The following L3MBTL4 variants were observed in gnomAD, a reference collection of about 807,000 sequenced individuals.
The protein encoded by L3MBTL4 is L3MBTL histone methyl-lysine binding protein 4.
Under a neutral mutation model 84.5 loss-of-function variants are expected in L3MBTL4, and 70 were observed. That is an observed-to-expected ratio of 0.83 (90% CI 0.68 to 1.01). The LOEUF is 1.01. Among genes scored for constraint, L3MBTL4 ranks in the 50% least tolerant of loss-of-function variants. The probability of loss-of-function intolerance (pLI) is 0.00; values close to 1 mark genes in which losing one functional copy is unlikely to be tolerated. For synonymous variants in L3MBTL4, 274 were observed against 259.8 expected (o/e 1.05, Z -0.52); for missense variants, 715 against 754.8 (o/e 0.95, Z 0.62).
At chr18:6,378,304 C>A (rs865837225) in intron 1 of L3MBTL4, among the ~76,000 whole-genome samples, 1 of 152,204 alleles carries the variant, frequency 6.6e-6, no homozygotes, top group Non-Finnish European at 1.5e-5. Context: ...TTTTGCTGTG[C>A]AGAAGCTCTC....
At chr18:6,379,923 T>A (rs1019059794) in intron 1 of L3MBTL4, among the ~76,000 whole-genome samples, 3 of 152,212 alleles carry the variant, frequency 2.0e-5, no homozygotes, top group Non-Finnish European at 4.4e-5. Context: ...TCTGGTAGAA[T>A]TCAGCTGTGA....
In L3MBTL4 at chr18:6,282,052, T is replaced by C. The variant is rs544301978; in HGVS notation, c.128-18014A>G. 4.5e-4 allele frequency among the ~76,000 whole-genome samples: 68 copies of C among 152,302 alleles called. No homozygotes were observed. The South Asian group carries it at 6.4e-3, about 14-fold the overall frequency. On this transcript the variant is annotated intron_variant, in intron 4 of 18. Coordinates refer to ENST00000317931, the MANE Select transcript of L3MBTL4 (RefSeq NM_001330559.2). ...AGCTTCAAAGTCCTTTTATTAACTA[T>C]GGGATAGCGTCCAACCAGCTGAGCA...
intron 1 of L3MBTL4, among the ~76,000 whole-genome samples, chr18:6,346,103 A>AATATATATAT (rs34294575): frequency 3.2e-3 from 421 of 129,752 alleles, no homozygotes; most frequent in Middle Eastern, 3.9e-3. Context: ...ATGATGTTGG[A>AATATATATAT]ATATATATAT....
At chr18:5,979,988 C>G (rs1190102557) in intron 16 of L3MBTL4, among the ~76,000 whole-genome samples, 1 of 152,220 alleles carries the variant, frequency 6.6e-6, no homozygotes, top group Non-Finnish European at 1.5e-5. Context: ...CCAGGGGCCA[C>G]ACTCACCTCT....
At chr18:6,310,552 T>G (rs1324846182) in intron 3 of L3MBTL4, among the ~76,000 whole-genome samples, 1 of 152,196 alleles carries the variant, frequency 6.6e-6, no homozygotes, top group Non-Finnish European at 1.5e-5. Context: ...AAAGAAAATG[T>G]ATTACATGAT....
chr18:6,030,057 T>C, intron 16 of L3MBTL4: 1 of 985,424 alleles, frequency 1.0e-6, no homozygotes, highest in Non-Finnish European at 1.2e-6. Flanking sequence ...TGTTAAGAAC[T>C]GCTCGTCAGA....
intron 10 of L3MBTL4, among the ~76,000 whole-genome samples, chr18:6,216,761 T>G (rs1274465636): frequency 3.3e-5 from 5 of 152,192 alleles, no homozygotes; most frequent in Non-Finnish European, 7.3e-5. Context: ...TAATCTGTGT[T>G]GTCTTGATTT....
intron 16 of L3MBTL4, among the ~76,000 whole-genome samples, chr18:5,976,756 C>T (rs564256101): frequency 1.3e-5 from 2 of 152,232 alleles, no homozygotes; most frequent in East Asian, 3.9e-4. Context: ...AATGAACGCA[C>T]GCAGGCCAGA....
intron 12 of L3MBTL4, among the ~76,000 whole-genome samples, chr18:6,174,588 G>A (rs3886383): frequency 0.017 from 2,653 of 152,228 alleles, 76 homozygotes; most frequent in African/African-American, 0.061. Context: ...AACAGATGAT[G>A]TTCCGGTGTG....
intron 18 of L3MBTL4, among the ~76,000 whole-genome samples, chr18:5,957,316 C>G (rs1442534208): frequency 6.6e-6 from 1 of 152,002 alleles, no homozygotes; most frequent in African/African-American, 2.4e-5. Flanking sequence ...AATCATCACG[C>G]ATTGTATATG....
At chr18:6,005,976 T>C (rs1174098865) in intron 16 of L3MBTL4, among the ~76,000 whole-genome samples, 1 of 151,340 alleles carries the variant, frequency 6.6e-6, no homozygotes, top group Non-Finnish European at 1.5e-5. Flanking sequence ...GCATTTGAAA[T>C]GGTAAATTTT....
At chr18:6,319,512 C>T (rs1201340603) in intron 1 of L3MBTL4, among the ~76,000 whole-genome samples, 1 of 151,992 alleles carries the variant, frequency 6.6e-6, no homozygotes, top group African/African-American at 2.4e-5. Context: ...CCTCTATGTA[C>T]ACAAACTAGA....
At chr18:6,328,880 C>T (rs1053874420) in intron 1 of L3MBTL4, among the ~76,000 whole-genome samples, 2 of 152,170 alleles carry the variant, frequency 1.3e-5, no homozygotes, top group Admixed American at 1.3e-4. Flanking sequence ...ACTGAATACA[C>T]AGAGCTCTGC....
At position 6,093,638 on chromosome 18, in the gene L3MBTL4, T is replaced by C. The variant is rs1032156170; in HGVS notation, c.1200-110A>G. 6 of 866,254 alleles carry C rather than the reference T, an allele frequency of 6.9e-6. No homozygotes were observed. The Admixed American group carries it at 1.4e-4, about 20-fold the overall frequency. 53.7% of individuals were successfully genotyped at this position (866,254 alleles called of 1,614,324 possible). Reference sequence around the variant, plus strand: ...AATATTTAAAAATTGCATAGAAACATTCTTCTTTCCCTGAGCACACTCAAA... The same window carrying C: ...AATATTTAAAAATTGCATAGAAACACTCTTCTTTCCCTGAGCACACTCAAA... On this transcript the variant is annotated intron_variant, in intron 14 of 18. Coordinates refer to ENST00000317931, the MANE Select transcript of L3MBTL4 (RefSeq NM_001330559.2).
intron 1 of L3MBTL4, among the ~76,000 whole-genome samples, chr18:6,313,710 G>A (rs1014051894): frequency 3.9e-5 from 6 of 152,008 alleles, no homozygotes; most frequent in Non-Finnish European, 5.9e-5. Flanking sequence ...TCTGGCTACT[G>A]GCATTTTTCT....
intron 14 of L3MBTL4, among the ~76,000 whole-genome samples, chr18:6,104,323 C>T (rs1250556677): frequency 1.3e-5 from 2 of 152,038 alleles, no homozygotes; most frequent in Admixed American, 1.3e-4. Context: ...TGGAAAGAAT[C>T]TAAATGGCCA....
chr18:6,171,819 A>C lies in L3MBTL4; in HGVS notation c.1096+9T>G, dbSNP rs1470896602. The stretch of plus-strand genomic sequence containing the variant: ...TTTAAAAAGCAACAACAAAGAGCAA[A>C]GTACTCACGCTGTGGCACTTCCAGT... On this transcript the variant is annotated intron_variant, in intron 13 of 18. Transcript: ENST00000317931. The C allele has an allele frequency of 7.4e-6, 11 of 1,484,192 alleles. No homozygotes were observed. The highest frequency in any genetic ancestry group is 7.3e-6 in the Non-Finnish European group (8 of 1,092,178). The allele number at this position is 1,484,192 out of a possible 1,614,324, so 91.9% of individuals were successfully genotyped here. A position where few individuals can be genotyped will look rare whatever the true frequency, so the allele number is the denominator to read the frequency against.
chr18:6,016,495 G>T (rs1286488091), intron 16 of L3MBTL4, among the ~76,000 whole-genome samples: 1 of 152,132 alleles, frequency 6.6e-6, no homozygotes, highest in Non-Finnish European at 1.5e-5. Context: ...TTCTTCATAG[G>T]AATGAAACTG....
intron 5 of L3MBTL4, among the ~76,000 whole-genome samples, chr18:6,261,378 A>T (rs549189904): frequency 6.6e-6 from 1 of 152,306 alleles, no homozygotes; most frequent in Non-Finnish European, 1.5e-5. Context: ...ACTTTCAGAG[A>T]TGACAAATAT....
Sources: allele counts gnomAD v4.1 joint callset (sites outside exome capture counted in the v4.1 genomes callset), GRCh38; gene constraint gnomAD v4.1.1; transcripts MANE v1.5; gene names NCBI Gene and HGNC (gene_info 2026-07-23, HGNC 2026-07-21).